Variants in NEXN observed in about 807,000 individuals in gnomAD.
The protein encoded by NEXN is nexilin.
In NEXN, 65 loss-of-function variants were observed where a neutral mutation model predicts 92.6. The ratio of observed to expected loss-of-function variants is 0.70; its 90% CI spans 0.57 to 0.86. The LOEUF (loss-of-function observed/expected upper bound fraction) is 0.86, where lower values mean the gene tolerates loss of function less well. NEXN is among the 40% of genes least tolerant of loss of function. The probability of loss-of-function intolerance (pLI) is 0.00; values close to 1 mark genes in which losing one functional copy is unlikely to be tolerated. For missense variants in NEXN, 778 were observed against 771.1 expected, an observed-to-expected ratio of 1.01 and a Z score of -0.11; for synonymous variants, 254 against 242.5, an observed-to-expected ratio of 1.05 and a Z score of -0.44.
At chr1:77,931,407 C>T (rs1182147846) in intron 9 of NEXN, among the ~76,000 whole-genome samples, 59 of 99,042 alleles carry the variant, frequency 6.0e-4, no homozygotes, top group Middle Eastern at 6.0e-3. Flanking sequence ...AGTGAGACTC[C>T]GTCTCAAAAA....
intron 1 of NEXN, among the ~76,000 whole-genome samples, chr1:77,897,955 G>T (rs1262476630): frequency 1.3e-5 from 2 of 152,116 alleles, no homozygotes; most frequent in Middle Eastern, 3.2e-3. Flanking sequence ...ACTTACAAGG[G>T]AAGTGAAGGA....
At chr1:77,941,808 G>T (rs1263232239) in intron 11 of NEXN, 1 of 541,758 alleles carries the variant, frequency 1.8e-6, no homozygotes, top group African/African-American at 2.0e-5. Context: ...TTTACATTTG[G>T]AGAAAAAGTC....
At chr1:77,893,380 A>G (rs1024785700) in intron 1 of NEXN, among the ~76,000 whole-genome samples, 2 of 151,904 alleles carry the variant, frequency 1.3e-5, no homozygotes, top group Non-Finnish European at 1.5e-5. Flanking sequence ...GGAGGCCCAG[A>G]CTCCAGTGAT....
At chr1:77,914,110 G>A (rs1419374933) in intron 1 of NEXN, among the ~76,000 whole-genome samples, 1 of 152,166 alleles carries the variant, frequency 6.6e-6, no homozygotes, top group Non-Finnish European at 1.5e-5. Flanking sequence ...GGAGTAAAGA[G>A]GACTTTTAGG....
intron 1 of NEXN, among the ~76,000 whole-genome samples, chr1:77,903,527 T>G (rs59087988): frequency 0.1 from 15,976 of 152,160 alleles, 1,165 homozygotes; most frequent in African/African-American, 0.21. Flanking sequence ...TTATAGCTTC[T>G]CATTTTGTAA....
At chr1:77,940,974 A>G (rs1454339469) in intron 11 of NEXN, among the ~76,000 whole-genome samples, 1 of 152,196 alleles carries the variant, frequency 6.6e-6, no homozygotes, top group African/African-American at 2.4e-5. Flanking sequence ...GCAGAACCAG[A>G]AAAACCATGC....
chr1:77,905,890 A>C (rs546638613), intron 1 of NEXN, among the ~76,000 whole-genome samples: 1 of 152,316 alleles, frequency 6.6e-6, no homozygotes, highest in African/African-American at 2.4e-5. Context: ...CCAGCTCTGC[A>C]AAGGCTTGAG....
chr1:77,903,786 G>A (rs1053127746), intron 1 of NEXN, among the ~76,000 whole-genome samples: 2 of 152,038 alleles, frequency 1.3e-5, no homozygotes, highest in East Asian at 1.9e-4. Context: ...TTAGCTGTGT[G>A]TGATGGTGTG....
chr1:77,911,806 G>A lies in NEXN; in HGVS notation c.-52-4249G>A, dbSNP rs1029626565. ...AAAAAAGATCTGAAATCTGAGGCCA[G>A]GCACGGTGGCTCATGCTTGTAATCC... On this transcript the variant is annotated intron_variant, in intron 1 of 12. Coordinates refer to ENST00000334785, the MANE Select transcript of NEXN (RefSeq NM_144573.4). Among the ~76,000 whole-genome samples the A allele has an allele frequency of 1.7e-4, 25 of 151,404 alleles. 1 individual carries two copies. Among genetic ancestry groups the A allele is most frequent in the Non-Finnish European group, 1.5e-4 (10 of 67,912 alleles).
rs745326883 is a variant in NEXN, at chr1:77,943,251, A to G, written c.*422A>G. On this transcript the variant is annotated 3_prime_UTR_variant, in exon 13 of 13. Transcript: ENST00000334785. Reference sequence around the variant, plus strand: ...AAAAACAAAAACAAAAAAAAAACACACAAACCTAAGTAGAATACATTATTT... The same window carrying G: ...AAAAACAAAAACAAAAAAAAAACACGCAAACCTAAGTAGAATACATTATTT... The G allele has an allele frequency of 3.9e-5, 9 of 229,062 alleles. No homozygotes were observed. The highest frequency in any genetic ancestry group is 6.1e-5 in the Non-Finnish European group (7 of 114,046). 14.2% of individuals were successfully genotyped at this position (229,062 alleles called of 1,614,324 possible).
Position 77,918,175 on chromosome 1 carries a change from C to A in NEXN, c.349C>A (p.Gln117Lys). The A allele has an allele frequency of 1.2e-6, 2 of 1,613,444 alleles. No individual in the cohort carries two copies. Among genetic ancestry groups the A allele is most frequent in the South Asian group, 2.2e-5 (2 of 91,060 alleles). The stretch of plus-strand genomic sequence containing the variant: ...AATGGAGAAACAAAGACAAGAGGAA[C>A]AAAGGAAGAGAACGGAGGAGGAACG... Reference protein sequence around the residue: ...AEMEKQRQEEQRKRTEEERKR... With the variant: ...AEMEKQRQEEKRKRTEEERKR... Residue 117 changes from glutamine (Q) to lysine (K), a missense_variant, in exon 5 of 13, where the codon CAA becomes AAA. Physicochemically the swap from Gln to Lys is moderately conservative, Grantham distance 53. This residue lies in a region of NEXN where 236 missense variants were observed against 265.6 expected (regional missense o/e 0.89). Transcript: ENST00000334785.
intron 1 of NEXN, among the ~76,000 whole-genome samples, chr1:77,902,411 G>T (rs1647794662): frequency 6.6e-6 from 1 of 151,670 alleles, no homozygotes; most frequent in African/African-American, 2.4e-5. Context: ...AGTGGTTAAA[G>T]TTTTCCCAAA....
Position 77,943,246 on chromosome 1 carries a change from A to C in NEXN, c.*417A>C, listed in dbSNP as rs35316069. The C allele has an allele frequency of 5.8e-4, 133 of 228,522 alleles. 2 individuals are homozygous for C. In the East Asian group the frequency reaches 0.012, roughly 21 times the overall value. 14.2% of individuals were successfully genotyped at this position (228,522 alleles called of 1,614,324 possible). On this transcript the variant is annotated 3_prime_UTR_variant, in exon 13 of 13. Transcript: ENST00000334785. ...GTTTAAAAAACAAAAACAAAAAAAA[A>C]ACACACAAACCTAAGTAGAATACAT...
rs1649846206 is a variant in NEXN at position 77,926,407 on chromosome 1, A to T, written c.490-7A>T. ...GAAATAGGCTAATTATCTATTTTAT[A>T]AAATAGGAAGGAGATGATTCACTAC... On this transcript the variant is annotated splice_region_variant and splice_polypyrimidine_tract_variant and intron_variant, in intron 6 of 12. Transcript: ENST00000334785. 6.3e-7 allele frequency: 1 copy of T among 1,575,438 alleles called. No homozygotes were observed. The highest frequency in any genetic ancestry group is 8.7e-7 in the Non-Finnish European group (1 of 1,150,670).
At chr1:77,925,317 C>T in intron 6 of NEXN, 88 bp downstream of exon 6, 2 of 908,724 alleles carry the variant, frequency 2.2e-6, no homozygotes, top group Non-Finnish European at 3.5e-6. Flanking sequence ...ACTAAAAGAG[C>T]TTTTATTATT....
chr1:77,902,188 C>T (rs1647768404), intron 1 of NEXN, among the ~76,000 whole-genome samples: 1 of 152,098 alleles, frequency 6.6e-6, no homozygotes, highest in Non-Finnish European at 1.5e-5. Context: ...ACTCATCACT[C>T]TAAATTTATA....
intron 8 of NEXN, among the ~76,000 whole-genome samples, chr1:77,928,197 A>G (rs999890203): frequency 2.0e-5 from 3 of 151,782 alleles, no homozygotes; most frequent in Admixed American, 6.6e-5. Context: ...CTGTAGTCCA[A>G]GCTCCCCGGG....
At position 77,922,597 on chromosome 1, in the gene NEXN, T is replaced by G. The variant is rs192098560; in HGVS notation, c.448-2591T>G. 4.2e-3 allele frequency among the ~76,000 whole-genome samples: 634 copies of G among 151,152 alleles called. 5 individuals are homozygous for G. The highest frequency in any genetic ancestry group is 0.021 in the Middle Eastern group (6 of 290). ...TAAAATATTTTACAGTATACAAAAT[T>G]ATTCTTTTTTTTTTTTTTGAGACGG... On this transcript the variant is annotated intron_variant, in intron 5 of 12. Transcript: ENST00000334785.
intron 9 of NEXN, 37 bp downstream of exon 9, chr1:77,929,541 T>A: frequency 1.2e-6 from 2 of 1,610,262 alleles, no homozygotes; most frequent in Non-Finnish European, 1.7e-6. Flanking sequence ...CTATTAGAAT[T>A]CACCTTTGAG....
Sources: allele counts gnomAD v4.1 joint callset (sites outside exome capture counted in the v4.1 genomes callset), GRCh38; gene constraint gnomAD v4.1.1; regional missense constraint gnomAD v4.1.1; transcripts MANE v1.5; gene names NCBI Gene and HGNC (gene_info 2026-07-23, HGNC 2026-07-21).